Variants in TLCD4 observed in about 807,000 individuals in gnomAD.
The protein encoded by TLCD4 is TLC domain containing 4.
A neutral mutation model predicts 24.2 loss-of-function variants in TLCD4; 7 were observed. The observed-to-expected ratio is 0.29, with a 90% CI of 0.16 to 0.54. The LOEUF (loss-of-function observed/expected upper bound fraction) is 0.54, where lower values mean the gene tolerates loss of function less well. Ranked by LOEUF, TLCD4 falls within the 20% of genes least tolerant of loss-of-function variation. The pLI is 0.95. For synonymous variants in TLCD4, 103 were observed against 106.4 expected (o/e 0.97, Z 0.20); for missense variants, 259 against 313.9 (o/e 0.82, Z 1.32).
chr1:95,125,900 C>T (rs1436127786), intron 1 of TLCD4, among the ~76,000 whole-genome samples: 1 of 152,074 alleles, frequency 6.6e-6, no homozygotes, highest in African/African-American at 2.4e-5. Flanking sequence ...ACCTGCAATC[C>T]CAGCACTTTG....
At chr1:95,180,306 A>G (rs1271673576) in intron 6 of TLCD4, among the ~76,000 whole-genome samples, 1 of 152,214 alleles carries the variant, frequency 6.6e-6, no homozygotes, top group African/African-American at 2.4e-5. Flanking sequence ...TTAATTTTAT[A>G]GTTTTATAAT....
chr1:95,185,402 A>G (rs560162100), intron 6 of TLCD4, among the ~76,000 whole-genome samples: 25 of 152,210 alleles, frequency 1.6e-4, no homozygotes, highest in African/African-American at 6.0e-4. Flanking sequence ...AGTGGAAGGA[A>G]TTCATGGTTG....
intron 5 of TLCD4, among the ~76,000 whole-genome samples, chr1:95,169,202 A>G (rs1204937690): frequency 1.3e-5 from 2 of 152,170 alleles, no homozygotes; most frequent in East Asian, 1.9e-4. Flanking sequence ...TTTCCCATTC[A>G]GTATGTCTTG....
In TLCD4 at chr1:95,192,770, A is replaced by G. The variant is rs1679068968; in HGVS notation, c.*902A>G. On this transcript the variant is annotated 3_prime_UTR_variant, in exon 7 of 7. Coordinates refer to ENST00000370203, the MANE Select transcript of TLCD4 (RefSeq NM_152487.3). ...TATTTAATTAGTTTAGTCATGGAGA[A>G]TACTTCCCACATTTTAAGATTTTTT... 1.2e-5 allele frequency: 1 copy of G among 85,156 alleles called. No homozygotes were observed. The highest frequency in any genetic ancestry group is 2.3e-5 in the Non-Finnish European group (1 of 43,002). 5.3% of individuals were successfully genotyped at this position (85,156 alleles called of 1,614,324 possible). A position where few individuals can be genotyped will look rare whatever the true frequency, so the allele number is the denominator to read the frequency against.
chr1:95,097,743 A>G, the TLCD4 span, among the ~76,000 whole-genome samples: 1 of 145,528 alleles, frequency 6.9e-6, no homozygotes, highest in African/African-American at 2.7e-5. Flanking sequence ...ACTTTTATAT[A>G]TGTTCCACTT....
intron 5 of TLCD4, among the ~76,000 whole-genome samples, chr1:95,153,158 G>A (rs1236734581): frequency 6.6e-6 from 1 of 151,846 alleles, no homozygotes; most frequent in Non-Finnish European, 1.5e-5. Flanking sequence ...GGATAATGGG[G>A]AATTACTGTT....
rs2101036517 is a variant in TLCD4, at chr1:95,196,207, TA to T, written c.*4341del. ...AACTGGTTTAACAGTCAGAGCTTTG[TA>T]ATGTGTTTCAGCTGAAGATTTATTA... On this transcript the variant is annotated 3_prime_UTR_variant, in exon 7 of 7. Transcript: ENST00000370203. The T allele has an allele frequency of 6.6e-6, 1 of 152,352 alleles. No homozygotes were observed. Among genetic ancestry groups the T allele is most frequent in the South Asian group, 2.1e-4 (1 of 4,828 alleles). The allele number at this position is 152,352 out of a possible 1,614,324, so 9.4% of individuals were successfully genotyped here. A position where few individuals can be genotyped will look rare whatever the true frequency, so the allele number is the denominator to read the frequency against.
the TLCD4 span, among the ~76,000 whole-genome samples, chr1:95,106,494 A>G: frequency 6.6e-6 from 1 of 152,138 alleles, no homozygotes; most frequent in African/African-American, 2.4e-5. Context: ...TGAGCTCAGG[A>G]GTCCGAGACC....
intron 5 of TLCD4, among the ~76,000 whole-genome samples, chr1:95,166,021 A>G (rs528601970): frequency 6.6e-6 from 1 of 152,346 alleles, no homozygotes; most frequent in South Asian, 2.1e-4. Context: ...CAGAAGGTTT[A>G]TATGAAAAAG....
rs1002564140 is a variant in TLCD4, at chr1:95,193,184, C to T, written c.*1316C>T. The stretch of plus-strand genomic sequence containing the variant: ...TCATATTTTACTCACAATTCATACC[C>T]GTGCTTACTTAGTTGGCATTTTAGT... On this transcript the variant is annotated 3_prime_UTR_variant, in exon 7 of 7. Transcript: ENST00000370203. The T allele has an allele frequency of 2.0e-5, 3 of 151,936 alleles. No homozygotes were observed. Among genetic ancestry groups the T allele is most frequent in the Non-Finnish European group, 2.9e-5 (2 of 67,950 alleles). 9.4% of individuals were successfully genotyped at this position (151,936 alleles called of 1,614,324 possible).
intron 2 of TLCD4, among the ~76,000 whole-genome samples, chr1:95,145,336 T>C (rs528441380): frequency 6.6e-6 from 1 of 152,342 alleles, no homozygotes; most frequent in East Asian, 1.9e-4. Flanking sequence ...TGAAATTCCC[T>C]TTGAACCAAA....
chr1:95,194,224 T>G lies in TLCD4; in HGVS notation c.*2356T>G, dbSNP rs1400122606. 1 of 152,162 alleles carries G rather than the reference T, an allele frequency of 6.6e-6. No individual in the cohort carries two copies. Among genetic ancestry groups the G allele is most frequent in the Non-Finnish European group, 1.5e-5 (1 of 67,990 alleles). The allele number at this position is 152,162 out of a possible 1,614,324, so 9.4% of individuals were successfully genotyped here. A position where few individuals can be genotyped will look rare whatever the true frequency, so the allele number is the denominator to read the frequency against. On this transcript the variant is annotated 3_prime_UTR_variant, in exon 7 of 7. Transcript: ENST00000370203. ...ATTCTCTTATTCAGCAATCCTTATC[T>G]TATGCTGGCTGCATGAGTTAATTCA...
At chr1:95,147,613 G>A (rs1245865136) in intron 2 of TLCD4, among the ~76,000 whole-genome samples, 2 of 152,044 alleles carry the variant, frequency 1.3e-5, no homozygotes, top group African/African-American at 4.8e-5. Flanking sequence ...GGTTTCTAAA[G>A]TTACAATGAA....
chr1:95,138,565 T>A (rs978097110), intron 1 of TLCD4: 4 of 152,194 alleles, frequency 2.6e-5, no homozygotes, highest in Non-Finnish European at 5.9e-5. Context: ...ACACCTAGGC[T>A]TTATGACATA....
intron 5 of TLCD4, among the ~76,000 whole-genome samples, chr1:95,152,393 G>A (rs552518131): frequency 6.6e-6 from 1 of 152,018 alleles, no homozygotes; most frequent in African/African-American, 2.4e-5. Flanking sequence ...TATCACTTAT[G>A]CAATAATGAG....
chr1:95,154,005 C>T (rs191045236), intron 5 of TLCD4, among the ~76,000 whole-genome samples: 10 of 152,160 alleles, frequency 6.6e-5, no homozygotes, highest in Non-Finnish European at 1.2e-4. Context: ...AATGGAAAGG[C>T]CTTTTAAAGT....
chr1:95,135,843 C>T (rs1026578393), intron 1 of TLCD4, among the ~76,000 whole-genome samples: 3 of 152,086 alleles, frequency 2.0e-5, no homozygotes, highest in African/African-American at 7.2e-5. Context: ...CCTCAGCCTC[C>T]TGGTAGCTGG....
chr1:95,163,788 A>T (rs144686161), intron 5 of TLCD4: 2,441 of 153,264 alleles, frequency 0.016, 32 homozygotes, highest in Non-Finnish European at 0.024. Context: ...TGTTTGCCTG[A>T]GTATCACCAG....
At chr1:95,096,558 A>G in the TLCD4 span, among the ~76,000 whole-genome samples, 1,970 of 152,324 alleles carry the variant, frequency 0.013, 26 homozygotes, top group Non-Finnish European at 0.017. Flanking sequence ...CATGACCCAG[A>G]TATCAGTTGG....
Sources: gnomAD v4.1 joint callset for allele counts (sites outside exome capture counted in the v4.1 genomes callset) on GRCh38, gnomAD v4.1.1 for gene constraint, MANE v1.5 for transcripts, NCBI Gene and HGNC (gene_info 2026-07-23, HGNC 2026-07-21) for gene names.